The following CCDC192 variants were observed in gnomAD, a reference collection of about 807,000 sequenced individuals.
The protein encoded by CCDC192 is coiled-coil domain-containing protein 192.
At chr5:127,746,964 T>C (rs1371247801) in intron 2 of CCDC192, among the ~76,000 whole-genome samples, 1 of 152,056 alleles carries the variant, frequency 6.6e-6, no homozygotes, top group Non-Finnish European at 1.5e-5. Flanking sequence ...GGCTCTATTG[T>C]ATCATCAGGA....
intron 2 of CCDC192, among the ~76,000 whole-genome samples, chr5:127,736,451 G>A (rs1445313174): frequency 2.0e-5 from 3 of 151,944 alleles, no homozygotes; most frequent in African/African-American, 7.3e-5. Context: ...CATAAAAAGG[G>A]TTAGGGAGGA....
At chr5:127,797,080 T>G in intron 3 of CCDC192, 23 bp from the exon 4 acceptor site, 1 of 397,048 alleles carries the variant, frequency 2.5e-6, no homozygotes, top group Non-Finnish European at 4.5e-6. Context: ...ACTTACATAC[T>G]CTTATAAAGA....
At chr5:127,885,483 T>C (rs776720221) in intron 6 of CCDC192, among the ~76,000 whole-genome samples, 2 of 152,214 alleles carry the variant, frequency 1.3e-5, no homozygotes, top group Non-Finnish European at 2.9e-5. Flanking sequence ...GTCCCTGGTA[T>C]AAACCACTTG....
intron 2 of CCDC192, among the ~76,000 whole-genome samples, chr5:127,708,608 A>C (rs956631179): frequency 6.6e-6 from 1 of 152,126 alleles, no homozygotes; most frequent in African/African-American, 2.4e-5. Context: ...ATGAGGCCAA[A>C]ATTTGCCATC....
In CCDC192 at chr5:127,703,421, G is replaced by A. The variant is rs969738049; in HGVS notation, c.-25G>A. 7.5e-6 allele frequency: 3 copies of A among 398,856 alleles called. No individual in the cohort carries two copies. The highest frequency in any genetic ancestry group is 6.2e-5 in the African/African-American group (3 of 48,598). 24.7% of individuals were successfully genotyped at this position (398,856 alleles called of 1,614,324 possible). On this transcript the variant is annotated 5_prime_UTR_variant, in exon 1 of 7. Transcript: ENST00000514853. ...CTGTTGACGTCTGTCCCAGGGACAG[G>A]GGATCCCAGTGGGTCTGGCTTGAGA... is the stretch of plus-strand genomic sequence containing the variant.
chr5:127,786,761 C>T, intron 3 of CCDC192: 1 of 669,338 alleles, frequency 1.5e-6, no homozygotes, highest in South Asian at 1.6e-5. Context: ...AGTAATTATT[C>T]AAAAATTACT....
chr5:127,705,693 A>G (rs1343572440), intron 1 of CCDC192, among the ~76,000 whole-genome samples: 3 of 152,094 alleles, frequency 2.0e-5, no homozygotes, highest in Admixed American at 1.3e-4. Flanking sequence ...TGGTGTGAAG[A>G]AATGTAAGAT....
chr5:127,720,528 A>C (rs189998602), intron 2 of CCDC192, among the ~76,000 whole-genome samples: 1 of 152,264 alleles, frequency 6.6e-6, no homozygotes, highest in Non-Finnish European at 1.5e-5. Flanking sequence ...TGGTGGATCT[A>C]CCATGCTGGG....
chr5:127,818,877 G>T (rs1749154825), intron 5 of CCDC192, among the ~76,000 whole-genome samples: 2 of 152,172 alleles, frequency 1.3e-5, no homozygotes, highest in Non-Finnish European at 2.9e-5. Flanking sequence ...GCCATTGGAA[G>T]TTTCCTCAGA....
At chr5:127,871,804 A>C (rs549079831) in intron 5 of CCDC192, among the ~76,000 whole-genome samples, 2 of 152,362 alleles carry the variant, frequency 1.3e-5, no homozygotes, top group South Asian at 4.1e-4. Flanking sequence ...CCTTTTCAAA[A>C]CATTGCACAA....
At chr5:127,760,659 G>A (rs1052466773) in intron 3 of CCDC192, among the ~76,000 whole-genome samples, 15 of 130,718 alleles carry the variant, frequency 1.1e-4, no homozygotes, top group African/African-American at 3.2e-4. Context: ...CTGAGATCGC[G>A]CCACTGCACT....
At chr5:127,754,425 T>C in intron 3 of CCDC192, 50 bp downstream of exon 3, 1 of 394,938 alleles carries the variant, frequency 2.5e-6, no homozygotes, top group Non-Finnish European at 4.5e-6. Context: ...GTGTGCAGCA[T>C]GGCAAGTGTA....
At chr5:127,885,843 T>G (rs1318636907) in intron 6 of CCDC192, among the ~76,000 whole-genome samples, 1 of 152,068 alleles carries the variant, frequency 6.6e-6, no homozygotes, top group African/African-American at 2.4e-5. Flanking sequence ...TATATGGTAA[T>G]TTACTATGGT....
At chr5:127,789,556 C>T (rs1406927626) in intron 3 of CCDC192, among the ~76,000 whole-genome samples, 1 of 152,188 alleles carries the variant, frequency 6.6e-6, no homozygotes, top group Non-Finnish European at 1.5e-5. Context: ...TGTTTCTAAG[C>T]AAAGTGTTGA....
chr5:127,805,495 C>T (rs1467964378), intron 5 of CCDC192, among the ~76,000 whole-genome samples: 1 of 152,178 alleles, frequency 6.6e-6, no homozygotes, highest in Non-Finnish European at 1.5e-5. Context: ...TTTTAATGAT[C>T]TTTTAACTTT....
chr5:127,821,344 A>G (rs888880329), intron 5 of CCDC192, among the ~76,000 whole-genome samples: 8 of 152,232 alleles, frequency 5.3e-5, no homozygotes, highest in African/African-American at 1.7e-4. Flanking sequence ...AGAAGGTGCT[A>G]TGATTTATAT....
At chr5:127,752,813 T>C (rs1197339418) in intron 2 of CCDC192, among the ~76,000 whole-genome samples, 1 of 152,190 alleles carries the variant, frequency 6.6e-6, no homozygotes, top group Non-Finnish European at 1.5e-5. Flanking sequence ...TATAATCTCG[T>C]GGTGCGCCGT....
chr5:127,792,169 A>G (rs1756901235), intron 3 of CCDC192, among the ~76,000 whole-genome samples: 1 of 152,204 alleles, frequency 6.6e-6, no homozygotes, highest in African/African-American at 2.4e-5. Context: ...TCACACTGCT[A>G]ATAAAGACAT....
intron 6 of CCDC192, chr5:127,935,343 G>A (rs1041707278): frequency 1.3e-5 from 2 of 152,202 alleles, no homozygotes; most frequent in Non-Finnish European, 2.9e-5. Context: ...CATTGTTAGA[G>A]GTAGTTGGGT....
Sources: allele counts gnomAD v4.1 joint callset (sites outside exome capture counted in the v4.1 genomes callset), GRCh38; gene constraint gnomAD v4.1.1; transcripts MANE v1.5; gene names NCBI Gene and HGNC (gene_info 2026-07-23, HGNC 2026-07-21).